Variants in COL25A1 observed in about 807,000 individuals in gnomAD.
COL25A1 encodes the protein collagen type XXV alpha 1 chain.
COL25A1 carries 103 observed loss-of-function variants against 128.4 expected under a neutral mutation model. The ratio of observed to expected loss-of-function variants is 0.80; its 90% CI spans 0.68 to 0.94. The LOEUF (loss-of-function observed/expected upper bound fraction) is 0.94. COL25A1 is among the 40% of genes least tolerant of loss of function. The pLI, the probability that COL25A1 is intolerant of heterozygous loss-of-function variation, is 0.00. For synonymous variants in COL25A1, 279 were observed against 277.2 expected (o/e 1.01, Z -0.06); for missense variants, 745 against 840.0 (o/e 0.89, Z 1.40).
At chr4:109,025,385 T>C (rs889676419) in intron 5 of COL25A1, among the ~76,000 whole-genome samples, 2 of 152,228 alleles carry the variant, frequency 1.3e-5, no homozygotes, top group African/African-American at 4.8e-5. Context: ...ACATTCTTAA[T>C]GTGTGCTATG....
chr4:109,143,598 C>T (rs1452055086), intron 3 of COL25A1, among the ~76,000 whole-genome samples: 4 of 152,066 alleles, frequency 2.6e-5, no homozygotes, highest in East Asian at 1.9e-4. Context: ...AGGCTTTCTT[C>T]GTTCCTTTCC....
intron 3 of COL25A1, among the ~76,000 whole-genome samples, chr4:109,161,989 G>A (rs1772624325): frequency 6.6e-6 from 1 of 152,202 alleles, no homozygotes; most frequent in South Asian, 2.1e-4. Context: ...GTCTCTGCCA[G>A]CCATTCCAAC....
At chr4:109,246,328 T>C (rs1264538115) in intron 3 of COL25A1, among the ~76,000 whole-genome samples, 2 of 152,118 alleles carry the variant, frequency 1.3e-5, no homozygotes, top group African/African-American at 4.8e-5. Flanking sequence ...AAACTACTAG[T>C]TCTAGCAGTA....
intron 3 of COL25A1, among the ~76,000 whole-genome samples, chr4:109,233,277 T>G (rs1314332654): frequency 6.6e-6 from 1 of 152,154 alleles, no homozygotes; most frequent in Non-Finnish European, 1.5e-5. Flanking sequence ...ATGTATTACT[T>G]ATTTTATTTT....
At chr4:109,187,835 G>T (rs1775275318) in intron 3 of COL25A1, among the ~76,000 whole-genome samples, 1 of 151,896 alleles carries the variant, frequency 6.6e-6, no homozygotes, top group African/African-American at 2.4e-5. Context: ...TTAGAAAAAT[G>T]GTTTAAGGGA....
At chr4:109,243,661 C>T (rs981803624) in intron 3 of COL25A1, among the ~76,000 whole-genome samples, 3 of 151,936 alleles carry the variant, frequency 2.0e-5, no homozygotes, top group African/African-American at 7.2e-5. Flanking sequence ...ACAATGAGGA[C>T]AGAACCAAAA....
intron 3 of COL25A1, among the ~76,000 whole-genome samples, chr4:109,219,280 A>G (rs1343817493): frequency 2.6e-5 from 4 of 152,146 alleles, no homozygotes; most frequent in Non-Finnish European, 5.9e-5. Context: ...CACTGACTTT[A>G]CACATGACCA....
intron 3 of COL25A1, among the ~76,000 whole-genome samples, chr4:109,082,689 C>A (rs561408923): frequency 1.3e-5 from 2 of 152,182 alleles, no homozygotes; most frequent in South Asian, 4.1e-4. Context: ...ATTCTAGATA[C>A]GCATGCCTTG....
intron 3 of COL25A1, among the ~76,000 whole-genome samples, chr4:109,154,973 T>C (rs536210326): frequency 3.6e-4 from 55 of 152,272 alleles, no homozygotes; most frequent in Middle Eastern, 3.4e-3. Context: ...CCTCCCTAGC[T>C]TCCCTCCTTC....
intron 3 of COL25A1, among the ~76,000 whole-genome samples, chr4:109,223,703 C>T (rs1359876542): frequency 5.9e-5 from 9 of 151,924 alleles, no homozygotes; most frequent in Non-Finnish European, 2.9e-5. Flanking sequence ...GAAAGTGTGC[C>T]CTATCTGCTG....
intron 3 of COL25A1, among the ~76,000 whole-genome samples, chr4:109,225,433 T>C (rs376953535): frequency 8.5e-5 from 13 of 152,228 alleles, no homozygotes; most frequent in African/African-American, 3.1e-4. Flanking sequence ...AGAATAGCTA[T>C]TACTAAAAAG....
At chr4:109,285,857 TTTTTG>T (rs1723835654) in intron 3 of COL25A1, among the ~76,000 whole-genome samples, 2 of 149,114 alleles carry the variant, frequency 1.3e-5, no homozygotes, top group Non-Finnish European at 2.9e-5. Flanking sequence ...TGTTTGTTGG[TTTTTG>T]TTTTGTTTTG....
At chr4:109,137,982 ATATGTG>A (rs1769962510) in intron 3 of COL25A1, among the ~76,000 whole-genome samples, 3 of 60,760 alleles carry the variant, frequency 4.9e-5, no homozygotes, top group East Asian at 1.8e-3. Context: ...TTTTATATAT[ATATGTG>A]TGTGTGTGTG....
chr4:108,859,471 C>T (rs1376896498), intron 24 of COL25A1, among the ~76,000 whole-genome samples, 185 bp downstream of exon 24: 1 of 152,130 alleles, frequency 6.6e-6, no homozygotes, highest in Non-Finnish European at 1.5e-5. Flanking sequence ...AAAAATGCTA[C>T]AAAATAAAGA....
intron 3 of COL25A1, among the ~76,000 whole-genome samples, chr4:109,129,430 T>C (rs943608180): frequency 6.6e-6 from 1 of 152,130 alleles, no homozygotes; most frequent in African/African-American, 2.4e-5. Context: ...CGCCCAGCCC[T>C]TGTCAAATAA....
At chr4:109,145,217 G>A (rs552786534) in intron 3 of COL25A1, among the ~76,000 whole-genome samples, 1 of 151,954 alleles carries the variant, frequency 6.6e-6, no homozygotes, top group Admixed American at 6.6e-5. Context: ...ACAGGCGCCC[G>A]CCACCAAGCC....
At chr4:109,242,233 T>C (rs1779941765) in intron 3 of COL25A1, among the ~76,000 whole-genome samples, 1 of 152,140 alleles carries the variant, frequency 6.6e-6, no homozygotes, top group Non-Finnish European at 1.5e-5. Context: ...CTTCACATCA[T>C]GTGTTTCAGA....
intron 5 of COL25A1, among the ~76,000 whole-genome samples, chr4:109,014,047 C>T (rs1050734667): frequency 2.6e-5 from 4 of 152,152 alleles, no homozygotes; most frequent in Admixed American, 2.0e-4. Context: ...TGGCTCATGC[C>T]TGTAATTCCA....
At chr4:108,877,342 G>C (rs1739563621) in intron 19 of COL25A1, among the ~76,000 whole-genome samples, 1 of 152,068 alleles carries the variant, frequency 6.6e-6, no homozygotes, top group Admixed American at 6.6e-5. Context: ...CACTATATTT[G>C]AAACAGGATC....
Sources: gnomAD v4.1 joint callset for allele counts (sites outside exome capture counted in the v4.1 genomes callset) on GRCh38, gnomAD v4.1.1 for gene constraint, MANE v1.5 for transcripts, NCBI Gene and HGNC (gene_info 2026-07-23, HGNC 2026-07-21) for gene names.